CDH18: variants seen among roughly 807,000 people sequenced by gnomAD.
CDH18 encodes cadherin-18.
Under a neutral mutation model 67.9 loss-of-function variants are expected in CDH18, and 31 were observed. That is an observed-to-expected ratio of 0.46 (90% CI 0.34 to 0.62). The LOEUF (loss-of-function observed/expected upper bound fraction) is 0.62, where lower values mean the gene tolerates loss of function less well. CDH18 is among the 20% of genes least tolerant of loss of function. The pLI is 0.01. For synonymous variants in CDH18, 362 were observed against 347.2 expected, an observed-to-expected ratio of 1.04 and a Z score of -0.48; for missense variants, 890 against 975.5, an observed-to-expected ratio of 0.91 and a Z score of 1.17.
chr5:19,985,741 A>T (rs145812339), intron 1 of CDH18, among the ~76,000 whole-genome samples: 679 of 149,172 alleles, frequency 4.6e-3, no homozygotes, highest in African/African-American at 8.7e-3. Flanking sequence ...GTACTTAATT[A>T]AAAAAAAAAG....
chr5:20,455,739 AT>A (rs1322047907), intron 1 of CDH18, among the ~76,000 whole-genome samples: 17 of 152,138 alleles, frequency 1.1e-4, no homozygotes, highest in Non-Finnish European at 1.5e-5. Flanking sequence ...AAACATTTAA[AT>A]TTTTTTATAA....
chr5:20,135,791 G>T (rs1749661660), intron 2 of CDH18, among the ~76,000 whole-genome samples: 1 of 152,072 alleles, frequency 6.6e-6, no homozygotes, highest in Admixed American at 6.6e-5. Context: ...GGTATGTTGT[G>T]TCTTTGTTCT....
At chr5:19,613,732 A>G (rs1749378861) in intron 5 of CDH18, among the ~76,000 whole-genome samples, 1 of 152,158 alleles carries the variant, frequency 6.6e-6, no homozygotes, top group Admixed American at 6.5e-5. Context: ...CATATTCTGG[A>G]GGATAAAGTT....
chr5:19,896,546 C>T (rs1422936016), intron 2 of CDH18, among the ~76,000 whole-genome samples: 4 of 152,052 alleles, frequency 2.6e-5, no homozygotes, highest in African/African-American at 9.7e-5. Context: ...GGCCAAAGAA[C>T]AGATTCTTCC....
intron 1 of CDH18, among the ~76,000 whole-genome samples, chr5:20,538,270 T>G (rs1437623216): frequency 6.6e-6 from 1 of 152,148 alleles, no homozygotes; most frequent in Non-Finnish European, 1.5e-5. Context: ...AGAATTGCTT[T>G]CAAAACTACT....
At chr5:19,587,705 T>A (rs1744413168) in intron 7 of CDH18, among the ~76,000 whole-genome samples, 3 of 151,890 alleles carry the variant, frequency 2.0e-5, no homozygotes, top group Admixed American at 2.0e-4. Context: ...AGCACTGTAG[T>A]ATAGTTTGAA....
chr5:19,872,488 AGAAG>A (rs1167194551), intron 2 of CDH18, among the ~76,000 whole-genome samples: 1 of 152,222 alleles, frequency 6.6e-6, no homozygotes, highest in Non-Finnish European at 1.5e-5. Flanking sequence ...AGCCATTCAA[AGAAG>A]GATTGGGCCC....
At chr5:20,289,021 T>C (rs1226977316) in intron 1 of CDH18, among the ~76,000 whole-genome samples, 1 of 152,028 alleles carries the variant, frequency 6.6e-6, no homozygotes, top group Non-Finnish European at 1.5e-5. Flanking sequence ...TCTTTTGTCA[T>C]GGTACCTGGA....
At chr5:19,960,765 G>GTA (rs199791500) in intron 2 of CDH18, among the ~76,000 whole-genome samples, 4,656 of 124,308 alleles carry the variant, frequency 0.037, 624 homozygotes, top group African/African-American at 0.18. Context: ...ATGTATATAT[G>GTA]TATATATACA....
At chr5:19,727,832 T>C (rs1305569303) in intron 4 of CDH18, among the ~76,000 whole-genome samples, 1 of 152,178 alleles carries the variant, frequency 6.6e-6, no homozygotes, top group Non-Finnish European at 1.5e-5. Flanking sequence ...AAGATGAATA[T>C]CTGATATTTT....
chr5:19,919,137 A>AATGC (rs1792153293), intron 2 of CDH18, among the ~76,000 whole-genome samples: 1 of 152,144 alleles, frequency 6.6e-6, no homozygotes, highest in South Asian at 2.1e-4. Flanking sequence ...CAGGTTGGTG[A>AATGC]ATGCATTAAC....
At chr5:19,778,488 T>C (rs1039063406) in intron 3 of CDH18, among the ~76,000 whole-genome samples, 2 of 152,170 alleles carry the variant, frequency 1.3e-5, no homozygotes, top group African/African-American at 4.8e-5. Context: ...TAAATGACCT[T>C]AGCCAGATGA....
At chr5:20,116,772 G>C (rs558881273) in intron 2 of CDH18, among the ~76,000 whole-genome samples, 1 of 152,220 alleles carries the variant, frequency 6.6e-6, no homozygotes, top group African/African-American at 2.4e-5. Flanking sequence ...TTCAATGAAG[G>C]CTGCATATGG....
chr5:20,193,478 A>T (rs1032469171), intron 2 of CDH18, among the ~76,000 whole-genome samples: 1 of 152,070 alleles, frequency 6.6e-6, no homozygotes, highest in Non-Finnish European at 1.5e-5. Flanking sequence ...AGGATCAAGC[A>T]GATTCACAGC....
At chr5:20,346,303 A>G (rs1490758486) in intron 1 of CDH18, among the ~76,000 whole-genome samples, 2 of 152,164 alleles carry the variant, frequency 1.3e-5, no homozygotes, top group Non-Finnish European at 2.9e-5. Context: ...TAACGGGACT[A>G]GAGGTATTAA....
chr5:19,534,693 C>T (rs545248157), intron 9 of CDH18, among the ~76,000 whole-genome samples: 135 of 152,156 alleles, frequency 8.9e-4, no homozygotes, highest in African/African-American at 3.0e-3. Context: ...ACCTCCAAGA[C>T]GATACCAATT....
chr5:19,828,719 G>A (rs978065982), intron 3 of CDH18, among the ~76,000 whole-genome samples: 4 of 152,154 alleles, frequency 2.6e-5, no homozygotes, highest in Non-Finnish European at 5.9e-5. Flanking sequence ...CAACAAACGA[G>A]GCACTGAAGG....
At position 20,266,618 on chromosome 5, in the gene CDH18, G is replaced by A. The variant is rs190351692; in HGVS notation, c.-579-11113C>T. Among the ~76,000 whole-genome samples the A allele has an allele frequency of 1.0e-3, 127 of 121,720 alleles. 1 individual carries two copies. Among genetic ancestry groups the A allele is most frequent in the African/African-American group, 4.0e-3 (119 of 29,574 alleles). 79.9% of individuals were successfully genotyped at this position (121,720 alleles called of 152,430 possible). On this transcript the variant is annotated intron_variant, in intron 1 of 14. Transcript: ENST00000507958. ...TTTTTTTTGTATTTTTAGTAGAGAC[G>A]GGGTTTCACCATGTTGACCAGGCTG... is the stretch of plus-strand genomic sequence containing the variant.
intron 1 of CDH18, among the ~76,000 whole-genome samples, chr5:20,289,812 T>A (rs549478973): frequency 6.6e-6 from 1 of 152,022 alleles, no homozygotes; most frequent in African/African-American, 2.4e-5. Context: ...TACATATCTG[T>A]CAATAGGGTC....
Sources: gnomAD v4.1 joint callset for allele counts (sites outside exome capture counted in the v4.1 genomes callset) on GRCh38, gnomAD v4.1.1 for gene constraint, MANE v1.5 for transcripts, NCBI Gene and HGNC (gene_info 2026-07-23, HGNC 2026-07-21) for gene names.